The following RERG variants were observed in gnomAD, a reference collection of about 807,000 sequenced individuals.
The protein encoded by RERG is ras-related and estrogen-regulated growth inhibitor.
In RERG, 25 loss-of-function variants were observed where a neutral mutation model predicts 23.2. That is an observed-to-expected ratio of 1.08 (90% CI 0.79 to 1.50). The LOEUF (loss-of-function observed/expected upper bound fraction) is 1.50. Among genes scored for constraint, RERG ranks in the 40% most tolerant of loss-of-function variants. RERG has a pLI of 0.00. For synonymous variants in RERG, 81 were observed against 89.1 expected (o/e 0.91, Z 0.51); for missense variants, 253 against 250.1 (o/e 1.01, Z -0.08).
chr12:15,173,051 T>C (rs1864798128), intron 2 of RERG, among the ~76,000 whole-genome samples: 1 of 152,076 alleles, frequency 6.6e-6, no homozygotes, highest in South Asian at 2.1e-4. Context: ...TAAAAATCAC[T>C]GCCTAACCCA....
At chr12:15,186,318 C>T (rs1864989370) in intron 2 of RERG, among the ~76,000 whole-genome samples, 1 of 151,822 alleles carries the variant, frequency 6.6e-6, no homozygotes, top group Non-Finnish European at 1.5e-5. Context: ...GCATTTATAG[C>T]AATTCATTTT....
chr12:15,193,002 T>C (rs920850264), intron 2 of RERG, among the ~76,000 whole-genome samples: 1 of 152,200 alleles, frequency 6.6e-6, no homozygotes, highest in African/African-American at 2.4e-5. Context: ...TTTTTCACCA[T>C]AAAGTTACCA....
chr12:15,205,756 A>C (rs2136144110), intron 2 of RERG, among the ~76,000 whole-genome samples: 1 of 152,242 alleles, frequency 6.6e-6, no homozygotes, highest in South Asian at 2.1e-4. Context: ...AAAAGATTTA[A>C]AAAACAGGAA....
chr12:15,167,497 T>G (rs1312567726), intron 2 of RERG, among the ~76,000 whole-genome samples: 2 of 152,136 alleles, frequency 1.3e-5, no homozygotes, highest in Non-Finnish European at 2.9e-5. Context: ...GGTAACTGCA[T>G]TTCTAAGACG....
chr12:15,185,881 A>T (rs1350068069), intron 2 of RERG, among the ~76,000 whole-genome samples: 2 of 152,150 alleles, frequency 1.3e-5, no homozygotes, highest in African/African-American at 4.8e-5. Context: ...CACTAATAAG[A>T]CTGATTAGAA....
intron 2 of RERG, among the ~76,000 whole-genome samples, chr12:15,165,542 G>T (rs1309088908): frequency 1.3e-5 from 2 of 152,192 alleles, no homozygotes; most frequent in Non-Finnish European, 2.9e-5. Flanking sequence ...AAGTTGTTTA[G>T]GTGGTATGGG....
intron 2 of RERG, among the ~76,000 whole-genome samples, chr12:15,156,943 G>A (rs1864531045): frequency 6.6e-6 from 1 of 152,148 alleles, no homozygotes; most frequent in South Asian, 2.1e-4. Flanking sequence ...ATTAAACGAG[G>A]TAATACATGA....
intron 3 of RERG, among the ~76,000 whole-genome samples, chr12:15,117,672 C>CGTGT (rs1555119502): frequency 2.4e-5 from 1 of 41,560 alleles, no homozygotes; most frequent in Non-Finnish European, 5.4e-5. Flanking sequence ...CCATCACACA[C>CGTGT]GCGCACACAC....
chr12:15,139,013 A>AATT (rs1864189966), intron 2 of RERG, among the ~76,000 whole-genome samples: 1 of 33,508 alleles, frequency 3.0e-5, no homozygotes, highest in East Asian at 7.3e-4. Context: ...CTGTGTCTAG[A>AATT]CTTTTTTTTT....
intron 2 of RERG, chr12:15,138,101 G>T: frequency 4.1e-6 from 1 of 246,562 alleles, no homozygotes; most frequent in South Asian, 4.7e-5. Flanking sequence ...CTCTTTTCTT[G>T]CTTGCATAAT....
At chr12:15,202,795 T>C (rs1865235621) in intron 2 of RERG, among the ~76,000 whole-genome samples, 1 of 151,740 alleles carries the variant, frequency 6.6e-6, no homozygotes, top group Non-Finnish European at 1.5e-5. Context: ...CCTGATTTCA[T>C]TTCTTTTGGG....
At position 15,109,126 on chromosome 12, in the gene RERG, G is replaced by A; in HGVS notation, c.584C>T (p.Thr195Ile). ...HVKQAINKML[T>I]KISS ...CTGGGCTGCCTAACTACTGATTTTG[G>A]TGAGCATCTTGTTAATGGCTTGCTT... Residue 195 changes from threonine to isoleucine, a missense_variant, in exon 5 of 5, where the codon ACC becomes ATC. Physicochemically the swap from Thr to Ile is moderately conservative, Grantham distance 89. Transcript: ENST00000256953. 2 of 1,592,090 alleles carry A rather than the reference G, an allele frequency of 1.3e-6. No homozygotes were observed. Among genetic ancestry groups the A allele is most frequent in the Non-Finnish European group, 1.7e-6 (2 of 1,169,168 alleles).
Position 15,177,839 on chromosome 12 carries a change from G to GTTTTT in RERG, c.61+39585_61+39589dup, listed in dbSNP as rs11304470. ...GATATCTCTCTGGCTCCCTCTGTTT[G>GTTTTT]TTTTTTTTTTTTTTTTTTTTAGCTG... On this transcript the variant is annotated intron_variant, in intron 2 of 4. Transcript: ENST00000256953. Among the ~76,000 whole-genome samples, 67 of 112,870 alleles carry GTTTTT rather than the reference G, an allele frequency of 5.9e-4. 1 individual carries two copies. Among genetic ancestry groups the GTTTTT allele is most frequent in the South Asian group, 9.5e-4 (3 of 3,142 alleles). The allele number at this position is 112,870 out of a possible 152,430, so 74.0% of individuals were successfully genotyped here.
chr12:15,193,081 T>G (rs1865094547), intron 2 of RERG, among the ~76,000 whole-genome samples: 3 of 152,188 alleles, frequency 2.0e-5, no homozygotes, highest in Admixed American at 2.0e-4. Context: ...ATATCCTGTT[T>G]CTGCTTAAAT....
chr12:15,142,587 A>G (rs1298807192), intron 2 of RERG, among the ~76,000 whole-genome samples: 1 of 152,144 alleles, frequency 6.6e-6, no homozygotes, highest in South Asian at 2.1e-4. Flanking sequence ...TTAAGCATCA[A>G]TTTTGGATTG....
rs182195231 is a variant in RERG at position 15,158,229 on chromosome 12, A to C, written c.62-37110T>G. Among the ~76,000 whole-genome samples the C allele has an allele frequency of 3.9e-5, 6 of 152,080 alleles. No homozygotes were observed. In the East Asian group the frequency reaches 9.7e-4, roughly 24 times the overall value. On this transcript the variant is annotated intron_variant, in intron 2 of 4. Transcript: ENST00000256953. The stretch of plus-strand genomic sequence containing the variant: ...TAATCTAGGACTGAACATAGCATTT[A>C]GTTGTTATAACTCTTTACACTCTTT...
intron 2 of RERG, among the ~76,000 whole-genome samples, chr12:15,168,138 T>G (rs1232343196): frequency 2.0e-5 from 3 of 152,230 alleles, no homozygotes; most frequent in Non-Finnish European, 4.4e-5. Flanking sequence ...AATTCCCTAC[T>G]TTCCAAAGAA....
At chr12:15,209,492 C>CAA (rs1865337801) in intron 2 of RERG, among the ~76,000 whole-genome samples, 1 of 151,516 alleles carries the variant, frequency 6.6e-6, no homozygotes, top group South Asian at 2.1e-4. Flanking sequence ...TATTCTTTAG[C>CAA]AAAAGATGAT....
intron 2 of RERG, among the ~76,000 whole-genome samples, chr12:15,126,131 A>G (rs1863934830): frequency 7.6e-6 from 1 of 132,098 alleles, no homozygotes; most frequent in African/African-American, 3.0e-5. Flanking sequence ...TATATACCAT[A>G]TATATATATA....
Sources: gnomAD v4.1 joint callset for allele counts (sites outside exome capture counted in the v4.1 genomes callset) on GRCh38, gnomAD v4.1.1 for gene constraint, MANE v1.5 for transcripts, NCBI Gene and HGNC (gene_info 2026-07-23, HGNC 2026-07-21) for gene names.